Variants in GRB14 observed in about 807,000 individuals in gnomAD.
GRB14 encodes the protein growth factor receptor bound protein 14, also known as growth factor receptor-bound protein 14.
Under a neutral mutation model 69.1 loss-of-function variants are expected in GRB14, and 38 were observed. That is an observed-to-expected ratio of 0.55 (90% confidence interval 0.42 to 0.72). GRB14 has a LOEUF of 0.72. GRB14 is among the 30% of genes least tolerant of loss of function. The probability of loss-of-function intolerance (pLI) is 0.00; values close to 1 mark genes in which losing one functional copy is unlikely to be tolerated. For missense variants in GRB14, 666 were observed against 666.1 expected (o/e 1.00, Z 0.00); for synonymous variants, 247 against 241.3 (o/e 1.02, Z -0.22).
intron 3 of GRB14, among the ~76,000 whole-genome samples, chr2:164,533,224 CTTTTTTTTTTTTTTTT>C (rs537913705): frequency 1.5e-4 from 12 of 80,368 alleles, no homozygotes; most frequent in African/African-American, 5.5e-4. Context: ...GTTTCCAATT[CTTTTTTTTTTTTTTTT>C]TTTTTTTTTT....
chr2:164,602,597 T>C (rs1229479495), intron 2 of GRB14, among the ~76,000 whole-genome samples: 1 of 152,214 alleles, frequency 6.6e-6, no homozygotes, highest in Non-Finnish European at 1.5e-5. Context: ...ATTATACAGA[T>C]GATCATCTAA....
intron 2 of GRB14, among the ~76,000 whole-genome samples, chr2:164,582,573 A>C (rs931392026): frequency 2.0e-5 from 3 of 151,898 alleles, no homozygotes; most frequent in African/African-American, 7.3e-5. Context: ...GTCACCCGCC[A>C]CCATGCCTGG....
rs563230029 is a variant in GRB14 at position 164,494,286 on chromosome 2, T to C, written c.1476+145A>G. On this transcript the variant is annotated intron_variant, in intron 13 of 13. Coordinates refer to ENST00000263915, the MANE Select transcript of GRB14 (RefSeq NM_004490.3). ...TAAAATCATTTCTGCCAAAGTTAAC[T>C]CTAGTCAAAGCACAAGCTGCCAAAT... 13 of 594,580 alleles carry C rather than the reference T, an allele frequency of 2.2e-5. 1 individual carries two copies. The highest frequency in any genetic ancestry group is 1.3e-4 in the African/African-American group (7 of 53,656). The allele number at this position is 594,580 out of a possible 1,614,324, so 36.8% of individuals were successfully genotyped here. A position where few individuals can be genotyped will look rare whatever the true frequency, so the allele number is the denominator to read the frequency against.
chr2:164,556,734 T>C (rs976675688), intron 2 of GRB14, among the ~76,000 whole-genome samples: 1 of 152,150 alleles, frequency 6.6e-6, no homozygotes, highest in Non-Finnish European at 1.5e-5. Context: ...AGGCCCTTTG[T>C]TGCAAGCATG....
chr2:164,611,587 G>T (rs369544732), intron 2 of GRB14, among the ~76,000 whole-genome samples: 1 of 151,136 alleles, frequency 6.6e-6, no homozygotes, highest in African/African-American at 2.4e-5. Context: ...CCGGCCTCAA[G>T]TGGTCACATC....
intron 2 of GRB14, among the ~76,000 whole-genome samples, chr2:164,583,602 C>A (rs1417193020): frequency 6.6e-6 from 1 of 151,798 alleles, no homozygotes; most frequent in East Asian, 1.9e-4. Context: ...CAAAAAAAAT[C>A]CAGTAAAATA....
intron 6 of GRB14, among the ~76,000 whole-genome samples, chr2:164,512,115 T>C (rs1266234131): frequency 6.6e-6 from 1 of 152,124 alleles, no homozygotes; most frequent in African/African-American, 2.4e-5. Context: ...TAAGCCACAG[T>C]AGAATGGAAC....
chr2:164,594,090 A>G (rs1689731177), intron 2 of GRB14, among the ~76,000 whole-genome samples: 1 of 152,124 alleles, frequency 6.6e-6, no homozygotes, highest in Non-Finnish European at 1.5e-5. Context: ...CAAAAACTAA[A>G]AATCTTCAGC....
intron 2 of GRB14, among the ~76,000 whole-genome samples, chr2:164,552,478 A>T (rs188696374): frequency 1.3e-5 from 2 of 152,308 alleles, no homozygotes; most frequent in African/African-American, 4.8e-5. Flanking sequence ...TCCCATTTTT[A>T]TGCTCAGAAA....
At chr2:164,497,170 C>T (rs751981498) in intron 11 of GRB14, 41 bp downstream of exon 11, 2 of 1,598,202 alleles carry the variant, frequency 1.3e-6, no homozygotes, top group East Asian at 4.5e-5. Context: ...CTTTCCATGT[C>T]TATCCGTCTA....
intron 3 of GRB14, among the ~76,000 whole-genome samples, chr2:164,543,727 T>C (rs1398480659): frequency 6.6e-6 from 1 of 152,212 alleles, no homozygotes; most frequent in African/African-American, 2.4e-5. Flanking sequence ...CCACTGTAGT[T>C]CTTTCCATTC....
chr2:164,547,646 C>T lies in GRB14; in HGVS notation c.481+14G>A, dbSNP rs1688413394. The T allele has an allele frequency of 3.7e-6, 6 of 1,605,798 alleles. No individual in the cohort carries two copies. The South Asian group carries it at 6.7e-5, about 18-fold the overall frequency. ...GAAAAGCAATGATGTGAGACAATAA[C>T]TCCGTATCCTTACCTACACCTATGT... On this transcript the variant is annotated intron_variant, in intron 3 of 13. Coordinates refer to ENST00000263915, the MANE Select transcript of GRB14 (RefSeq NM_004490.3).
chr2:164,573,027 T>C (rs1464438), intron 2 of GRB14, among the ~76,000 whole-genome samples: 14,891 of 152,226 alleles, frequency 0.098, 2,434 homozygotes, highest in African/African-American at 0.34. Context: ...ATTTATTCCA[T>C]CAAGCAGCCA....
intron 2 of GRB14, among the ~76,000 whole-genome samples, chr2:164,600,579 G>A (rs1358475160): frequency 1.3e-5 from 2 of 152,098 alleles, no homozygotes; most frequent in African/African-American, 4.8e-5. Context: ...AGGTTTTAAT[G>A]TTTCAGCCTA....
intron 12 of GRB14, among the ~76,000 whole-genome samples, chr2:164,495,224 G>A (rs1686861697): frequency 2.0e-5 from 3 of 151,986 alleles, no homozygotes; most frequent in African/African-American, 7.3e-5. Context: ...TTACAGGCAT[G>A]AGCCACCACG....
chr2:164,589,033 G>T (rs1209893157), intron 2 of GRB14, among the ~76,000 whole-genome samples: 1 of 152,148 alleles, frequency 6.6e-6, no homozygotes, highest in African/African-American at 2.4e-5. Flanking sequence ...CAGCATATTA[G>T]TTGCAAGTAA....
At chr2:164,575,595 A>G (rs986455597) in intron 2 of GRB14, among the ~76,000 whole-genome samples, 6 of 152,150 alleles carry the variant, frequency 3.9e-5, no homozygotes, top group African/African-American at 9.6e-5. Context: ...TTTGCTAACT[A>G]AGATCAAAAA....
chr2:164,605,400 T>A (rs560230415), intron 2 of GRB14, among the ~76,000 whole-genome samples: 5 of 152,294 alleles, frequency 3.3e-5, no homozygotes, highest in African/African-American at 1.2e-4. Flanking sequence ...GTTTGAGATG[T>A]CTATGGACCG....
chr2:164,498,901 CT>C (rs1686976923), intron 9 of GRB14, among the ~76,000 whole-genome samples: 1 of 152,144 alleles, frequency 6.6e-6, no homozygotes, highest in Non-Finnish European at 1.5e-5. Context: ...GGCATGCAAT[CT>C]TTCATTTGTT....
Sources: allele counts gnomAD v4.1 joint callset (sites outside exome capture counted in the v4.1 genomes callset), GRCh38; gene constraint gnomAD v4.1.1; transcripts MANE v1.5; gene names NCBI Gene and HGNC (gene_info 2026-07-23, HGNC 2026-07-21).